PARD3B: variants seen among roughly 807,000 people sequenced by gnomAD.
PARD3B encodes par-3 family cell polarity regulator beta.
In PARD3B, 103 loss-of-function variants were observed where a neutral mutation model predicts 130.2. The observed-to-expected ratio is 0.79, with a 90% CI of 0.67 to 0.93. PARD3B has a LOEUF of 0.93. Ranked by LOEUF, PARD3B falls within the 40% of genes least tolerant of loss-of-function variation. The pLI, the probability that PARD3B is intolerant of heterozygous loss-of-function variation, is 0.00. For synonymous variants in PARD3B, 583 were observed against 553.2 expected, an observed-to-expected ratio of 1.05 and a Z score of -0.76; for missense variants, 1,609 against 1,499.2, an observed-to-expected ratio of 1.07 and a Z score of -1.21.
chr2:204,644,520 A>C (rs2035205266), intron 1 of PARD3B, among the ~76,000 whole-genome samples: 1 of 152,184 alleles, frequency 6.6e-6, no homozygotes, highest in South Asian at 2.1e-4. Context: ...ATTCCACTGA[A>C]TATTTTAACA....
chr2:205,188,250 AT>A (rs561966439), intron 14 of PARD3B, among the ~76,000 whole-genome samples: 2 of 152,214 alleles, frequency 1.3e-5, no homozygotes, highest in South Asian at 4.1e-4. Flanking sequence ...GGGAAGGGCA[AT>A]TTAGGTTAAG....
intron 16 of PARD3B, among the ~76,000 whole-genome samples, chr2:205,278,615 C>T (rs1412445547): frequency 6.6e-6 from 1 of 152,136 alleles, no homozygotes; most frequent in Admixed American, 6.5e-5. Flanking sequence ...AATTGCTGAG[C>T]ACTCGAGAGA....
At chr2:205,359,506 G>A (rs552155264) in intron 18 of PARD3B, among the ~76,000 whole-genome samples, 5 of 152,090 alleles carry the variant, frequency 3.3e-5, no homozygotes, top group South Asian at 2.1e-4. Flanking sequence ...TGGCTCTATC[G>A]TCATTTGTCT....
In PARD3B at chr2:204,943,829, A is replaced by C. The variant is rs1689102319; in HGVS notation, c.223-21323A>C. On this transcript the variant is annotated intron_variant, in intron 2 of 22. Coordinates refer to ENST00000406610, the MANE Select transcript of PARD3B (RefSeq NM_001302769.2). This position sits in a 1 kb window ranked among gnomAD's most constrained non-coding sequence, Gnocchi z 4.2. The stretch of plus-strand genomic sequence containing the variant: ...CAAATTAGGGAGACTGAGGCAACAA[A>C]GTTATATATAACACTAGAAAACTGA... Among the ~76,000 whole-genome samples, 1 of 152,172 alleles carries C rather than the reference A, an allele frequency of 6.6e-6. No homozygotes were observed. Among genetic ancestry groups the C allele is most frequent in the Admixed American group, 6.5e-5 (1 of 15,278 alleles).
chr2:205,360,561 G>A (rs2044352452), intron 18 of PARD3B, among the ~76,000 whole-genome samples: 1 of 152,168 alleles, frequency 6.6e-6, no homozygotes, highest in South Asian at 2.1e-4. Context: ...TAGAAAGCCA[G>A]CTTTATTTTT....
intron 2 of PARD3B, among the ~76,000 whole-genome samples, chr2:204,833,670 C>T (rs1039130445): frequency 2.6e-5 from 4 of 152,018 alleles, no homozygotes; most frequent in East Asian, 3.9e-4. Context: ...AGTTCTGTCT[C>T]GTCTGCCAGC....
intron 2 of PARD3B, among the ~76,000 whole-genome samples, chr2:204,905,956 A>G (rs2047028957): frequency 6.6e-6 from 1 of 152,220 alleles, no homozygotes; most frequent in Admixed American, 6.5e-5. Context: ...GTCTAAGACT[A>G]AGATGTTCTT....
At chr2:204,710,820 C>T (rs979659519) in intron 2 of PARD3B, among the ~76,000 whole-genome samples, 2 of 152,144 alleles carry the variant, frequency 1.3e-5, no homozygotes, top group African/African-American at 2.4e-5. Flanking sequence ...TTTGTCTTCT[C>T]TCTAATTGCT....
Position 205,399,705 on chromosome 2 carries a change from C to T in PARD3B, c.2631-1308C>T, listed in dbSNP as rs192745806. Among the ~76,000 whole-genome samples, 464 of 152,264 alleles carry T rather than the reference C, an allele frequency of 3.0e-3. 2 individuals carry two copies. The highest frequency in any genetic ancestry group is 0.01 in the African/African-American group (433 of 41,552). On this transcript the variant is annotated intron_variant, in intron 18 of 22. Coordinates refer to ENST00000406610, the MANE Select transcript of PARD3B (RefSeq NM_001302769.2). ...TGCAGTTTTCATTTTCCTAAAAGTACAAAACATATATGGTATTTTTGTAAA... is the reference window on the plus strand; with the variant it reads ...TGCAGTTTTCATTTTCCTAAAAGTATAAAACATATATGGTATTTTTGTAAA...
intron 16 of PARD3B, among the ~76,000 whole-genome samples, chr2:205,282,338 A>T (rs1406271381): frequency 6.6e-6 from 1 of 151,898 alleles, no homozygotes; most frequent in Non-Finnish European, 1.5e-5. Flanking sequence ...GAGCATCCTT[A>T]TACTACCTAT....
intron 1 of PARD3B, among the ~76,000 whole-genome samples, chr2:204,605,820 T>C (rs1472863012): frequency 6.6e-6 from 1 of 152,180 alleles, no homozygotes; most frequent in African/African-American, 2.4e-5. Context: ...GGTTGTTTTA[T>C]TATTATTGCT....
chr2:205,481,001 G>C (rs939843982), intron 20 of PARD3B, among the ~76,000 whole-genome samples: 1 of 152,136 alleles, frequency 6.6e-6, no homozygotes, highest in Non-Finnish European at 1.5e-5. Flanking sequence ...TCAAGGAACA[G>C]GGGAGAGTGA....
chr2:204,883,578 G>T lies in PARD3B; in HGVS notation c.223-81574G>T, dbSNP rs1575209274. 5.4e-5 allele frequency among the ~76,000 whole-genome samples: 8 copies of T among 148,426 alleles called. No individual in the cohort carries two copies. In the South Asian group the frequency reaches 1.7e-3, roughly 32 times the overall value. On this transcript the variant is annotated intron_variant, in intron 2 of 22. Coordinates refer to ENST00000406610, the MANE Select transcript of PARD3B (RefSeq NM_001302769.2). The stretch of plus-strand genomic sequence containing the variant: ...TTCTCCTGCCTCAGCCTCACAAATA[G>T]CTGGGACTACAGGTGTCCGCCACCA...
chr2:204,923,123 A>C (rs2047747548), intron 2 of PARD3B, among the ~76,000 whole-genome samples: 1 of 152,098 alleles, frequency 6.6e-6, no homozygotes, highest in Non-Finnish European at 1.5e-5. Context: ...TTAATTGTAA[A>C]AATTATTCAA....
intron 2 of PARD3B, among the ~76,000 whole-genome samples, chr2:204,835,518 T>C (rs1375873030): frequency 6.6e-6 from 1 of 152,182 alleles, no homozygotes; most frequent in East Asian, 1.9e-4. Context: ...CTTTATCCCC[T>C]GCTCCGTTTG....
chr2:204,588,783 T>C (rs1337088394), intron 1 of PARD3B, among the ~76,000 whole-genome samples: 1 of 152,198 alleles, frequency 6.6e-6, no homozygotes, highest in Non-Finnish European at 1.5e-5. Context: ...ATTAGAATCA[T>C]AGCATTAACA....
chr2:204,782,154 G>T (rs2041855608), intron 2 of PARD3B, among the ~76,000 whole-genome samples: 1 of 152,046 alleles, frequency 6.6e-6, no homozygotes, highest in Non-Finnish European at 1.5e-5. Flanking sequence ...CCAGAATGCT[G>T]ATCAGCCTAA....
chr2:204,573,567 A>G (rs907138361), intron 1 of PARD3B, among the ~76,000 whole-genome samples: 1 of 152,182 alleles, frequency 6.6e-6, no homozygotes, highest in East Asian at 1.9e-4. Context: ...TCCCTGCCAC[A>G]TGCCCAGCTA....
intron 4 of PARD3B, among the ~76,000 whole-genome samples, chr2:205,057,098 G>A (rs1233668360): frequency 6.6e-6 from 1 of 151,314 alleles, no homozygotes; most frequent in Non-Finnish European, 1.5e-5. Flanking sequence ...TTATTTAAAG[G>A]TTGTATAATT....
Sources: gnomAD v4.1 joint callset for allele counts (sites outside exome capture counted in the v4.1 genomes callset) on GRCh38, gnomAD v4.1.1 for gene constraint, Gnocchi (gnomAD v3.1) non-coding constraint, MANE v1.5 for transcripts, NCBI Gene and HGNC (gene_info 2026-07-23, HGNC 2026-07-21) for gene names.